The following NALF1 variants were observed in gnomAD, a reference collection of about 807,000 sequenced individuals.
The protein encoded by NALF1 is NALCN channel auxiliary factor 1.
NALF1 carries 3 observed loss-of-function variants against 48.4 expected under a neutral mutation model. The observed-to-expected ratio is 0.06, with a 90% CI of 0.03 to 0.16. The LOEUF is 0.16. NALF1 is among the 10% of genes least tolerant of loss of function. The pLI is 1.00. For missense variants in NALF1, 526 were observed against 571.5 expected, an observed-to-expected ratio of 0.92 and a Z score of 0.81; for synonymous variants, 262 against 245.7, an observed-to-expected ratio of 1.07 and a Z score of -0.62.
chr13:107,647,171 C>A (rs1880335537), intron 1 of NALF1, among the ~76,000 whole-genome samples: 1 of 151,884 alleles, frequency 6.6e-6, no homozygotes, highest in Non-Finnish European at 1.5e-5. Context: ...TATGAGCAAT[C>A]ACCAAAATGT....
chr13:107,571,421 C>G (rs756913926), intron 1 of NALF1, among the ~76,000 whole-genome samples: 1 of 152,130 alleles, frequency 6.6e-6, no homozygotes, highest in African/African-American at 2.4e-5. Context: ...GAAACCTCCA[C>G]AAAAACCCTA....
intron 1 of NALF1, among the ~76,000 whole-genome samples, chr13:107,635,280 G>A (rs1879944413): frequency 6.6e-6 from 1 of 152,058 alleles, no homozygotes; most frequent in East Asian, 1.9e-4. Flanking sequence ...TGGCTCGGGA[G>A]GCCTCAGGAA....
At chr13:107,514,384 G>C (rs1469767357) in intron 1 of NALF1, among the ~76,000 whole-genome samples, 1 of 152,038 alleles carries the variant, frequency 6.6e-6, no homozygotes. Flanking sequence ...TGGGTGTTTG[G>C]GTGGTTATTG....
At chr13:107,708,020 G>T in intron 1 of NALF1, among the ~76,000 whole-genome samples, 1 of 148,636 alleles carries the variant, frequency 6.7e-6, no homozygotes, top group East Asian at 2.0e-4. Flanking sequence ...TGCATGAATA[G>T]GTGTATGTGT....
intron 1 of NALF1, among the ~76,000 whole-genome samples, chr13:107,653,266 T>G (rs1400897046): frequency 1.3e-5 from 2 of 149,894 alleles, no homozygotes; most frequent in Non-Finnish European, 3.0e-5. Context: ...AACAAACGAA[T>G]TCTCTCATAT....
rs754425396 is a variant in NALF1, at chr13:107,865,841, G to A, written c.756C>T (p.Leu252=). Residue 252 remains leucine (L), a synonymous_variant, in exon 1 of 3, where the codon CTC becomes CTT. Coordinates refer to ENST00000375915, the MANE Select transcript of NALF1 (RefSeq NM_001080396.3). ...AAGTGGTCATCTCGCCGCCTTCCTTGAGCACCACATCCAGACTGCAGTTCA... is the reference window on the plus strand; with the variant it reads ...AAGTGGTCATCTCGCCGCCTTCCTTAAGCACCACATCCAGACTGCAGTTCA... ...NTLNCSLDVV[L]KEGGEMTTCR... The A allele has an allele frequency of 1.9e-6, 3 of 1,614,072 alleles. No individual in the cohort carries two copies. The Admixed American group carries it at 5.0e-5, about 27-fold the overall frequency.
At position 107,213,668 on chromosome 13, in the gene NALF1, A is replaced by T. The variant is rs148014817; in HGVS notation, c.916-2913T>A. Among the ~76,000 whole-genome samples the T allele has an allele frequency of 5.4e-3, 820 of 151,868 alleles. 5 individuals carry two copies. The highest frequency in any genetic ancestry group is 9.2e-3 in the Non-Finnish European group (626 of 67,928). On this transcript the variant is annotated intron_variant, in intron 1 of 2. Transcript: ENST00000375915. ...TCTCTGTGTAGATGTGTTTACAATAAAAGAGGCAAAGCATACAGCACATTT... is the reference window on the plus strand; with the variant it reads ...TCTCTGTGTAGATGTGTTTACAATATAAGAGGCAAAGCATACAGCACATTT...
At chr13:107,517,685 G>A (rs917761647) in intron 1 of NALF1, among the ~76,000 whole-genome samples, 3 of 151,950 alleles carry the variant, frequency 2.0e-5, no homozygotes, top group Admixed American at 1.3e-4. Flanking sequence ...GCCAGGCGCA[G>A]TGGCTCATGT....
chr13:107,811,031 A>G (rs1878973519), intron 1 of NALF1, among the ~76,000 whole-genome samples: 1 of 152,158 alleles, frequency 6.6e-6, no homozygotes. Context: ...ATAACGCACA[A>G]TTATATCCTG....
chr13:107,745,568 G>GTTTATT (rs1197633431), intron 1 of NALF1, among the ~76,000 whole-genome samples: 1 of 152,014 alleles, frequency 6.6e-6, no homozygotes, highest in Non-Finnish European at 1.5e-5. Context: ...AGTGACCTAC[G>GTTTATT]TTTATTTTTC....
chr13:107,229,641 A>T (rs1880178706), intron 1 of NALF1, among the ~76,000 whole-genome samples: 1 of 152,158 alleles, frequency 6.6e-6, no homozygotes, highest in Non-Finnish European at 1.5e-5. Flanking sequence ...AGCACCCCAC[A>T]CCCATGAACA....
intron 1 of NALF1, among the ~76,000 whole-genome samples, chr13:107,861,538 A>G (rs1389347808): frequency 1.3e-5 from 2 of 152,230 alleles, no homozygotes; most frequent in Non-Finnish European, 2.9e-5. Flanking sequence ...TAATCCCAGC[A>G]CTTTGGGAGG....
At chr13:107,589,331 A>T (rs1878542251) in intron 1 of NALF1, among the ~76,000 whole-genome samples, 2 of 152,032 alleles carry the variant, frequency 1.3e-5, no homozygotes, top group Non-Finnish European at 2.9e-5. Flanking sequence ...AGCAAATTCC[A>T]AGTGTCTAAA....
chr13:107,638,519 C>A (rs767896758), intron 1 of NALF1, among the ~76,000 whole-genome samples: 1 of 151,968 alleles, frequency 6.6e-6, no homozygotes, highest in Non-Finnish European at 1.5e-5. Flanking sequence ...GAAGGAGTCT[C>A]ATAACTTGGG....
chr13:107,597,040 G>A (rs148841853), intron 1 of NALF1, among the ~76,000 whole-genome samples: 2 of 152,224 alleles, frequency 1.3e-5, no homozygotes, highest in East Asian at 3.9e-4. Flanking sequence ...TTTTCTATTT[G>A]CTTGAGACAT....
intron 1 of NALF1, among the ~76,000 whole-genome samples, chr13:107,831,823 A>G (rs1331326088): frequency 1.3e-5 from 2 of 152,232 alleles, no homozygotes; most frequent in Admixed American, 1.3e-4. Flanking sequence ...AGAACTTTCT[A>G]ACATATTTCA....
At chr13:107,193,305 G>A (rs371404466) in intron 2 of NALF1, among the ~76,000 whole-genome samples, 7 of 152,228 alleles carry the variant, frequency 4.6e-5, no homozygotes, top group East Asian at 3.9e-4. Context: ...TTCAGAGACC[G>A]TTTTTTACTG....
intron 1 of NALF1, among the ~76,000 whole-genome samples, chr13:107,360,645 T>C (rs1444842931): frequency 6.6e-6 from 1 of 152,200 alleles, no homozygotes; most frequent in Non-Finnish European, 1.5e-5. Context: ...ACCGACATTA[T>C]ATTAATATAC....
At chr13:107,374,849 A>G (rs971841678) in intron 1 of NALF1, among the ~76,000 whole-genome samples, 4 of 152,156 alleles carry the variant, frequency 2.6e-5, no homozygotes, top group African/African-American at 7.2e-5. Flanking sequence ...AGATGCAGCA[A>G]GAAGGCTCTG....
Sources: gnomAD v4.1 joint callset for allele counts (sites outside exome capture counted in the v4.1 genomes callset) on GRCh38, gnomAD v4.1.1 for gene constraint, MANE v1.5 for transcripts, NCBI Gene and HGNC (gene_info 2026-07-23, HGNC 2026-07-21) for gene names.